Variants in CC2D2A observed in about 807,000 individuals in gnomAD.
CC2D2A encodes coiled-coil and C2 domain containing 2A, also known as coiled-coil and C2 domain-containing protein 2A.
Under a neutral mutation model 212.9 loss-of-function variants are expected in CC2D2A, and 155 were observed. The ratio of observed to expected loss-of-function variants is 0.73; its 90% CI spans 0.64 to 0.83. The LOEUF (loss-of-function observed/expected upper bound fraction) is 0.83, where lower values mean the gene tolerates loss of function less well. Ranked by LOEUF, CC2D2A falls within the 40% of genes least tolerant of loss-of-function variation. CC2D2A has a pLI of 0.00. For synonymous variants in CC2D2A, 667 were observed against 686.5 expected (o/e 0.97, Z 0.44); for missense variants, 1,856 against 1,956.2 (o/e 0.95, Z 0.97).
intron 11 of CC2D2A, among the ~76,000 whole-genome samples, chr4:15,527,075 C>G (rs1460036693): frequency 6.6e-6 from 1 of 152,142 alleles, no homozygotes; most frequent in Non-Finnish European, 1.5e-5. Flanking sequence ...TCGGTTTGAA[C>G]TAGAATCTAT....
chr4:15,576,635 T>C (rs1720425163), intron 29 of CC2D2A: 3 of 152,786 alleles, frequency 2.0e-5, no homozygotes, highest in Admixed American at 2.0e-4. Flanking sequence ...GTACTAAGTA[T>C]TTTGTTTTAC....
chr4:15,517,156 C>G (rs1716929164), intron 11 of CC2D2A, among the ~76,000 whole-genome samples: 1 of 151,810 alleles, frequency 6.6e-6, no homozygotes, highest in South Asian at 2.1e-4. Flanking sequence ...ACCGTGTTAG[C>G]CAGGATGGTC....
chr4:15,528,612 G>A lies in CC2D2A; in HGVS notation c.1360-8G>A, dbSNP rs773826994. 11 of 1,612,500 alleles carry A rather than the reference G, an allele frequency of 6.8e-6. No individual in the cohort carries two copies. Among genetic ancestry groups the A allele is most frequent in the East Asian group, 2.2e-5 (1 of 44,876 alleles). The stretch of plus-strand genomic sequence containing the variant: ...GTAACCCAAAACTTGTATCCATGTC[G>A]TTTTAAGCTCCAAGCTTTAAGAAAT... On this transcript the variant is annotated splice_region_variant and splice_polypyrimidine_tract_variant and intron_variant, in intron 12 of 36. Coordinates refer to ENST00000424120, the MANE Select transcript of CC2D2A (RefSeq NM_001378615.1).
At position 15,544,852 on chromosome 4, in the gene CC2D2A, A is replaced by G. The variant is rs1286701187; in HGVS notation, c.2181+3838A>G. ...TTTGAAAAACCAATGTGACAATACT[A>G]TGAAATAAATTTTTAAATAAAAAAG... On this transcript the variant is annotated intron_variant, in intron 17 of 36. Coordinates refer to ENST00000424120, the MANE Select transcript of CC2D2A (RefSeq NM_001378615.1). 3.9e-5 allele frequency among the ~76,000 whole-genome samples: 6 copies of G among 152,366 alleles called. No individual in the cohort carries two copies. The East Asian group carries it at 1.2e-3, about 29-fold the overall frequency.
rs1721487073 is a variant in CC2D2A, at chr4:15,599,603, C to T, written c.4571C>T (p.Thr1524Ile). The T allele has an allele frequency of 6.2e-7, 1 of 1,613,090 alleles. No homozygotes were observed. Among genetic ancestry groups the T allele is most frequent in the African/African-American group, 1.3e-5 (1 of 74,906 alleles). The part of the protein sequence containing the change: ...RHLTRWNRYC[T>I]STLRHFLPLL... ...CTGACTCGGTGGAATAGGTATTGTA[C>T]CTCTACTCTGCGTCACTTCTTGCCT... Residue 1524 changes from threonine (T) to isoleucine (I), a missense_variant, in exon 36 of 37, where the codon ACC becomes ATC. Thr to Ile is a moderately conservative substitution (Grantham distance 89, BLOSUM62 -1). Coordinates refer to ENST00000424120, the MANE Select transcript of CC2D2A (RefSeq NM_001378615.1).
chr4:15,574,946 C>T (rs554680633), intron 29 of CC2D2A, among the ~76,000 whole-genome samples: 1 of 152,374 alleles, frequency 6.6e-6, no homozygotes, highest in African/African-American at 2.4e-5. Context: ...GAACGCTACG[C>T]ATGTGGGAGT....
intron 30 of CC2D2A, among the ~76,000 whole-genome samples, chr4:15,582,257 T>C (rs1720694602): frequency 6.6e-6 from 1 of 151,986 alleles, no homozygotes; most frequent in Non-Finnish European, 1.5e-5. Flanking sequence ...CAGTTAAATA[T>C]AAAGAGAATT....
chr4:15,577,011 T>G (rs1720444669), intron 29 of CC2D2A, among the ~76,000 whole-genome samples: 1 of 152,232 alleles, frequency 6.6e-6, no homozygotes, highest in African/African-American at 2.4e-5. Context: ...TTTTTTGTTT[T>G]TGAGAGAGGG....
intron 17 of CC2D2A, among the ~76,000 whole-genome samples, chr4:15,542,900 C>T (rs1283644085): frequency 6.6e-6 from 1 of 152,196 alleles, no homozygotes; most frequent in Non-Finnish European, 1.5e-5. Flanking sequence ...TAAAAACCTT[C>T]TACAACCTGT....
intron 33 of CC2D2A, 28 bp downstream of exon 33, chr4:15,589,707 T>C (rs1483450668): frequency 1.2e-5 from 17 of 1,421,124 alleles, no homozygotes; most frequent in Non-Finnish European, 1.6e-5. Context: ...TTCTTAAATA[T>C]GGTTAGCTGT....
At chr4:15,559,055 A>G (rs1165434458) in intron 21 of CC2D2A, 110 bp from the exon 22 acceptor site, 5 of 733,720 alleles carry the variant, frequency 6.8e-6, no homozygotes, top group Non-Finnish European at 1.1e-5. Context: ...AGGTGGAAGA[A>G]ATATTTAAAA....
In CC2D2A at chr4:15,540,987, C is replaced by T. The variant is rs781557649; in HGVS notation, c.2154C>T (p.Val718=). 1.5e-5 allele frequency: 23 copies of T among 1,550,590 alleles called. No individual in the cohort carries two copies. Among genetic ancestry groups the T allele is most frequent in the Non-Finnish European group, 2.0e-5 (23 of 1,146,342 alleles). The change falls in exon 17 of 37, where the codon GTC becomes GTT. Residue 718 remains valine (V), a synonymous_variant. Transcript: ENST00000424120. ...GGCAGATTTTCAATTTGCAAATAGTCAACTGGCCGGAGAGTTTAACACTTC... is the reference window on the plus strand; with the variant it reads ...GGCAGATTTTCAATTTGCAAATAGTTAACTGGCCGGAGAGTTTAACACTTC... The part of the protein sequence containing the change: ...HFGQIFNLQI[V]NWPESLTLQV...
chr4:15,594,260 T>A (rs1721225806), intron 33 of CC2D2A, among the ~76,000 whole-genome samples: 3 of 152,100 alleles, frequency 2.0e-5, no homozygotes, highest in Non-Finnish European at 2.9e-5. Flanking sequence ...AGTTAGAACT[T>A]CCCTGCCTGC....
chr4:15,491,568 C>G (rs1715304976), intron 4 of CC2D2A, among the ~76,000 whole-genome samples: 2 of 152,106 alleles, frequency 1.3e-5, no homozygotes, highest in South Asian at 4.1e-4. Flanking sequence ...CCACATCCAG[C>G]TAATGTTTGT....
chr4:15,480,729 T>C lies in CC2D2A; in HGVS notation c.149T>C (p.Met50Thr), dbSNP rs765810643. Residue 50 changes from methionine to threonine, a missense_variant, in exon 4 of 37, where the codon ATG becomes ACG. Transcript: ENST00000424120. Reference protein sequence around the residue: ...KQPPTAVPKEMVSEKSHLGNP... With the variant: ...KQPPTAVPKETVSEKSHLGNP... ...CCACCAACTGCTGTCCCCAAGGAAA[T>C]GGTGTCCGAAAAATCCCACCTTGGC... 12 of 1,611,566 alleles carry C rather than the reference T, an allele frequency of 7.4e-6. No homozygotes were observed. The highest frequency in any genetic ancestry group is 8.5e-6 in the Non-Finnish European group (10 of 1,179,032).
chr4:15,553,257 G>A lies in CC2D2A; in HGVS notation c.2438G>A (p.Gly813Glu). 6.2e-7 allele frequency: 1 copy of A among 1,613,250 alleles called. No homozygotes were observed. Among genetic ancestry groups the A allele is most frequent in the Non-Finnish European group, 8.5e-7 (1 of 1,179,598 alleles). Residue 813 changes from glycine (G) to glutamate (E), a missense_variant, in exon 19 of 37, where the codon GGG becomes GAG. Transcript: ENST00000424120. ...GTGGCATGGGCCATTGGAGAAAACG[G>A]GATACCTTTAATTCCTCCATTGTCA... ...HSVAWAIGENGIPLIPPLSQQ... is the reference protein window; with the variant it reads ...HSVAWAIGENEIPLIPPLSQQ...
chr4:15,553,136 G>A (rs1449526903), intron 18 of CC2D2A, 22 bp from the exon 19 acceptor site: 1 of 1,574,772 alleles, frequency 6.4e-7, no homozygotes, highest in African/African-American at 1.4e-5. Flanking sequence ...ACAGCATCCT[G>A]TTTAATCTGG....
intron 36 of CC2D2A, among the ~76,000 whole-genome samples, chr4:15,600,231 T>C (rs1721524705): frequency 6.6e-6 from 1 of 152,222 alleles, no homozygotes; most frequent in Non-Finnish European, 1.5e-5. Context: ...ACTCACTGAG[T>C]AAAATTTATC....
At chr4:15,596,341 C>G (rs1721321314) in intron 34 of CC2D2A, 134 bp downstream of exon 34, 3 of 661,250 alleles carry the variant, frequency 4.5e-6, no homozygotes, top group Non-Finnish European at 6.8e-6. Flanking sequence ...GCTCAACTCA[C>G]AACAAGAAAC....
Sources: allele counts gnomAD v4.1 joint callset (sites outside exome capture counted in the v4.1 genomes callset), GRCh38; gene constraint gnomAD v4.1.1; transcripts MANE v1.5; gene names NCBI Gene and HGNC (gene_info 2026-07-23, HGNC 2026-07-21).